ITGB1BP2: variants seen among roughly 807,000 people sequenced by gnomAD.
The protein encoded by ITGB1BP2 is integrin subunit beta 1 binding protein 2, also known as integrin beta-1-binding protein 2.
ITGB1BP2 carries 27 observed loss-of-function variants against 32.2 expected under a neutral mutation model. That is an observed-to-expected ratio of 0.84 (90% confidence interval 0.62 to 1.16). The LOEUF is 1.16. Ranked by LOEUF, ITGB1BP2 falls within the 50% of genes most tolerant of loss-of-function variation. The probability of loss-of-function intolerance (pLI) is 0.00; values close to 1 mark genes in which losing one functional copy is unlikely to be tolerated. For synonymous variants in ITGB1BP2, 105 were observed against 94.7 expected, an observed-to-expected ratio of 1.11 and a Z score of -0.63; for missense variants, 250 against 267.3, an observed-to-expected ratio of 0.94 and a Z score of 0.45.
At position 71,301,801 on chromosome X, in the gene ITGB1BP2, G is replaced by T; in HGVS notation, c.-6G>T. 1 of 1,207,011 alleles carries T rather than the reference G, an allele frequency of 8.3e-7. No homozygotes were observed. The highest frequency in any genetic ancestry group is 1.1e-6 in the Non-Finnish European group (1 of 891,727). The stretch of plus-strand genomic sequence containing the variant: ...CCCTTTCAGTAATCATTCAACCAAC[G>T]CTTCCATGTCTCTACTCTGTCGTAA... On this transcript the variant is annotated 5_prime_UTR_variant, in exon 1 of 11. Transcript: ENST00000373829.
rs1290094729 is a variant in ITGB1BP2 at position 71,305,036 on chromosome X, C to T, written c.888C>T (p.Asp296=). Residue 296 remains aspartate, a synonymous_variant, in exon 11 of 11, where the codon GAC becomes GAT. Transcript: ENST00000373829. The stretch of plus-strand genomic sequence containing the variant: ...TTGAAATCTCCCTGGTCAAGGCTGA[C>T]CCAGGATCCTGGGCCCAGCTGGAGC... ...SRVEISLVKA[D]PGSWAQLEHP... is the part of the protein sequence containing the mutation. The T allele has an allele frequency of 8.3e-7, 1 of 1,211,405 alleles. No individual in the cohort carries two copies. The highest frequency in any genetic ancestry group is 1.8e-5 in the South Asian group (1 of 56,966).
Position 71,301,757 on chromosome X carries a change from A to C in ITGB1BP2, c.-50A>C. On this transcript the variant is annotated 5_prime_UTR_variant, in exon 1 of 11. Transcript: ENST00000373829. The stretch of plus-strand genomic sequence containing the variant: ...GACTAAGAGGTGTTCCCCATTCGGC[A>C]GCCAGACTCCTTGAAATACCCTTTC... The C allele has an allele frequency of 9.0e-7, 1 of 1,108,256 alleles. No homozygotes were observed. Among genetic ancestry groups the C allele is most frequent in the Middle Eastern group, 2.4e-4 (1 of 4,146 alleles). The allele number at this position is 1,108,256 out of a possible 1,213,427, so 91.3% of individuals were successfully genotyped here.
chrX:71,303,214 C>T lies in ITGB1BP2; in HGVS notation c.318-48C>T, dbSNP rs370269939. On this transcript the variant is annotated intron_variant, in intron 4 of 10. Coordinates refer to ENST00000373829, the MANE Select transcript of ITGB1BP2 (RefSeq NM_012278.4). The stretch of plus-strand genomic sequence containing the variant: ...CCATCGGTGGGAGTGTTGGAGCTAG[C>T]AATCATAGCTAATGGGTCAGAACTA... 9 of 1,043,277 alleles carry T rather than the reference C, an allele frequency of 8.6e-6. No homozygotes were observed. The African/African-American group carries it at 1.5e-4, about 17-fold the overall frequency. 86.0% of individuals were successfully genotyped at this position (1,043,277 alleles called of 1,213,427 possible).
In ITGB1BP2 at chrX:71,303,892, G is replaced by A. The variant is rs1389755169; in HGVS notation, c.620G>A (p.Arg207Lys). The A allele has an allele frequency of 8.3e-7, 1 of 1,204,656 alleles. No homozygotes were observed. The highest frequency in any genetic ancestry group is 1.1e-6 in the Non-Finnish European group (1 of 892,375). ...FLAQPGCRVG[R>K]HDWGKQLPAS... ...GCACAACCAGGGTGCAGAGTCGGTAGACATGACTGGGGGAAGCAGGTAAGC... is the reference window on the plus strand; with the variant it reads ...GCACAACCAGGGTGCAGAGTCGGTAAACATGACTGGGGGAAGCAGGTAAGC... Residue 207 changes from arginine to lysine, a missense_variant, in exon 8 of 11, where the codon AGA becomes AAA. By Grantham distance (26) the Arg-to-Lys change is conservative. Transcript: ENST00000373829.
intron 10 of ITGB1BP2, 167 bp from the exon 11 acceptor site, chrX:71,304,798 A>G (rs1602394841): frequency 4.4e-6 from 2 of 455,011 alleles, no homozygotes; most frequent in South Asian, 7.3e-5. Flanking sequence ...CTCCCTTTTC[A>G]TCTCTCATTT....
At position 71,305,182 on chromosome X, in the gene ITGB1BP2, T is replaced by C. The variant is rs2031677719; in HGVS notation, c.1034T>C (p.Met345Thr). Residue 345 changes from methionine (M) to threonine (T), a missense_variant, in exon 11 of 11, where the codon ATG (methionine) becomes ACG (threonine). Coordinates refer to ENST00000373829, the MANE Select transcript of ITGB1BP2 (RefSeq NM_012278.4). ...GAGGAGGAGGAAGAGGAGGAAGCAA[T>C]GGGGGAATAGTGACACCAGACAGTT... is the stretch of plus-strand genomic sequence containing the variant. ...WTEEEEEEEA[M>T]GE The C allele has an allele frequency of 5.0e-6, 6 of 1,197,357 alleles. No individual in the cohort carries two copies. The East Asian group carries it at 1.8e-4, about 36-fold the overall frequency.
chrX:71,302,118 C>T lies in ITGB1BP2; in HGVS notation c.65-19C>T, dbSNP rs1053750835. ...ATAGTTATCTTCCCTTCCTTGATAA[C>T]TTCTACTGATGTCCACAGATTCCTG... is the stretch of plus-strand genomic sequence containing the variant. On this transcript the variant is annotated intron_variant, in intron 1 of 10. Transcript: ENST00000373829. 8 of 1,204,086 alleles carry T rather than the reference C, an allele frequency of 6.6e-6. No individual in the cohort carries two copies. The highest frequency in any genetic ancestry group is 9.0e-6 in the Non-Finnish European group (8 of 891,653).
At position 71,304,999 on chromosome X, in the gene ITGB1BP2, T is replaced by C. The variant is rs775767397; in HGVS notation, c.851T>C (p.Met284Thr). The change falls in exon 11 of 11, where the codon ATG becomes ACG. Residue 284 changes from methionine to threonine, a missense_variant. Coordinates refer to ENST00000373829, the MANE Select transcript of ITGB1BP2 (RefSeq NM_012278.4). Reference sequence around the variant, plus strand: ...GTGGAGCAGAGCTCTGTCTTCTTGATGCCATCTCGGGTTGAAATCTCCCTG... The same window carrying C: ...GTGGAGCAGAGCTCTGTCTTCTTGACGCCATCTCGGGTTGAAATCTCCCTG... ...INVEQSSVFL[M>T]PSRVEISLVK... 1.7e-6 allele frequency: 2 copies of C among 1,209,386 alleles called. No homozygotes were observed. Among genetic ancestry groups the C allele is most frequent in the Admixed American group, 2.2e-5 (1 of 45,580 alleles).
chrX:71,303,721 T>TA, intron 7 of ITGB1BP2, 24 bp downstream of exon 7: 6 of 1,189,657 alleles, frequency 5.0e-6, no homozygotes, highest in Non-Finnish European at 6.8e-6. Context: ...CTGGGTGGGC[T>TA]ATGAGGCTAT....
In ITGB1BP2 at chrX:71,302,268, T is replaced by C; in HGVS notation, c.115-9T>C. 8.3e-7 allele frequency: 1 copy of C among 1,211,333 alleles called. No homozygotes were observed. Among genetic ancestry groups the C allele is most frequent in the Non-Finnish European group, 1.1e-6 (1 of 895,345 alleles). Reference sequence around the variant, plus strand: ...GGAAGCTAAGCTGATCTGGGTCTCTTGTTATCAGGGTTGGTCCTGCTGCCG... The same window carrying C: ...GGAAGCTAAGCTGATCTGGGTCTCTCGTTATCAGGGTTGGTCCTGCTGCCG... On this transcript the variant is annotated splice_polypyrimidine_tract_variant and intron_variant, in intron 2 of 10. Coordinates refer to ENST00000373829, the MANE Select transcript of ITGB1BP2 (RefSeq NM_012278.4).
Position 71,303,977 on chromosome X carries a change from CTG to C in ITGB1BP2, c.639+68_639+69del, listed in dbSNP as rs200004675. The C allele has an allele frequency of 7.7e-3, 7,204 of 935,341 alleles. 29 individuals carry two copies. Among genetic ancestry groups the C allele is most frequent in the Middle Eastern group, 0.015 (50 of 3,252 alleles). 77.1% of individuals were successfully genotyped at this position (935,341 alleles called of 1,213,427 possible). A position where few individuals can be genotyped will look rare whatever the true frequency, so the allele number is the denominator to read the frequency against. On this transcript the variant is annotated intron_variant, in intron 8 of 10. Coordinates refer to ENST00000373829, the MANE Select transcript of ITGB1BP2 (RefSeq NM_012278.4). ...CTCAGAGGTAAATTCTCCTCCCTCT[CTG>C]TACCACATAGCCAAGCTCCCTGTCT...
Position 71,305,055 on chromosome X carries a change from C to T in ITGB1BP2, c.907C>T (p.Leu303=), listed in dbSNP as rs1203213490. ...VKADPGSWAQ[L]EHPDALAKKA... is the part of the protein sequence containing the mutation. ...GGCTGACCCAGGATCCTGGGCCCAG[C>T]TGGAGCACCCTGATGCACTAGCTAA... Residue 303 remains leucine (L), a synonymous_variant, in exon 11 of 11, where the codon CTG becomes TTG. Coordinates refer to ENST00000373829, the MANE Select transcript of ITGB1BP2 (RefSeq NM_012278.4). 3.3e-6 allele frequency: 4 copies of T among 1,211,284 alleles called. No individual in the cohort carries two copies. The South Asian group carries it at 7.0e-5, about 21-fold the overall frequency.
At chrX:71,302,634 G>C in intron 4 of ITGB1BP2, 78 bp downstream of exon 4, 1 of 1,025,678 alleles carries the variant, frequency 9.7e-7, no homozygotes, top group African/African-American at 1.9e-5. Flanking sequence ...ATTGAGGACT[G>C]GGAACTAGGG....
chrX:71,304,044 TCCCTCAACAG>T, intron 8 of ITGB1BP2, 133 bp downstream of exon 8: 1 of 702,308 alleles, frequency 1.4e-6, no homozygotes, highest in Non-Finnish European at 2.1e-6. Context: ...CTGCTCCTTA[TCCCTCAACAG>T]CCCAGAGGTT....
rs1410385485 is a variant in ITGB1BP2, at chrX:71,305,032, C to G, written c.884C>G (p.Ala295Gly). Residue 295 changes from alanine (A) to glycine (G), a missense_variant, in exon 11 of 11, where the codon GCT (alanine) becomes GGT (glycine). Ala to Gly is a moderately conservative substitution (Grantham distance 60). Transcript: ENST00000373829. ...CGGGTTGAAATCTCCCTGGTCAAGG[C>G]TGACCCAGGATCCTGGGCCCAGCTG... ...PSRVEISLVK[A>G]DPGSWAQLEH... The G allele has an allele frequency of 8.3e-7, 1 of 1,209,430 alleles. No homozygotes were observed. The highest frequency in any genetic ancestry group is 1.8e-5 in the African/African-American group (1 of 57,083).
In ITGB1BP2 at chrX:71,304,100, C is replaced by T. The variant is rs567049706; in HGVS notation, c.640-87C>T. The T allele has an allele frequency of 5.5e-4, 439 of 793,018 alleles. No individual in the cohort carries two copies. The South Asian group carries it at 8.2e-3, about 15-fold the overall frequency. The allele number at this position is 793,018 out of a possible 1,213,427, so 65.4% of individuals were successfully genotyped here. A position where few individuals can be genotyped will look rare whatever the true frequency, so the allele number is the denominator to read the frequency against. ...AGGTTGTGTTAATCTTTTTGAGACT[C>T]TCTGTCTCTTCTCCACGTGCATCAT... On this transcript the variant is annotated intron_variant, in intron 8 of 10. Transcript: ENST00000373829.
chrX:71,304,962 C>T lies in ITGB1BP2; in HGVS notation c.817-3C>T. The T allele has an allele frequency of 8.3e-7, 1 of 1,198,540 alleles. No individual in the cohort carries two copies. Among genetic ancestry groups the T allele is most frequent in the Non-Finnish European group, 1.1e-6 (1 of 883,639 alleles). Reference sequence around the variant, plus strand: ...TCTTCTGTTTTCCTTTGCTCCTCCTCAGGTCATAAACGTGGAGCAGAGCTC... The same window carrying T: ...TCTTCTGTTTTCCTTTGCTCCTCCTTAGGTCATAAACGTGGAGCAGAGCTC... On this transcript the variant is annotated splice_polypyrimidine_tract_variant and splice_region_variant and intron_variant, in intron 10 of 10. Coordinates refer to ENST00000373829, the MANE Select transcript of ITGB1BP2 (RefSeq NM_012278.4).
intron 4 of ITGB1BP2, 77 bp from the exon 5 acceptor site, chrX:71,303,185 A>G: frequency 1.1e-6 from 1 of 914,868 alleles, no homozygotes; most frequent in Non-Finnish European, 1.5e-6. Flanking sequence ...CTTTAATTCC[A>G]TTACCATCGG....
At position 71,303,526 on chromosome X, in the gene ITGB1BP2, A is replaced by G. The variant is rs759105767; in HGVS notation, c.468+10A>G. 2.5e-6 allele frequency: 3 copies of G among 1,210,643 alleles called. No individual in the cohort carries two copies. Among genetic ancestry groups the G allele is most frequent in the South Asian group, 3.5e-5 (2 of 56,960 alleles). ...CCCAGGATGTGATGCTGTGAGTGAG[A>G]GTTTTGAGGGGCTCAAGCATATGGC... On this transcript the variant is annotated intron_variant, in intron 6 of 10. Transcript: ENST00000373829.
Sources: gnomAD v4.1 joint callset for allele counts on GRCh38, gnomAD v4.1.1 for gene constraint, MANE v1.5 for transcripts, NCBI Gene and HGNC (gene_info 2026-07-23, HGNC 2026-07-21) for gene names.